The following SGTB variants were observed in gnomAD, a reference collection of about 807,000 sequenced individuals.
SGTB encodes small glutamine rich tetratricopeptide repeat co-chaperone beta, also known as small glutamine-rich tetratricopeptide repeat-containing protein beta.
In SGTB, 19 loss-of-function variants were observed where a neutral mutation model predicts 43.9. The ratio of observed to expected loss-of-function variants is 0.43; its 90% confidence interval spans 0.30 to 0.63. SGTB has a LOEUF of 0.63. Ranked by LOEUF, SGTB falls within the 30% of genes least tolerant of loss-of-function variation. The pLI is 0.12. For missense variants in SGTB, 304 were observed against 358.9 expected (o/e 0.85, Z 1.24); for synonymous variants, 116 against 117.3 (o/e 0.99, Z 0.07).
Position 65,694,780 on chromosome 5 carries a change from T to C in SGTB, c.375-9308A>G, listed in dbSNP as rs2150713583. On this transcript the variant is annotated intron_variant, in intron 5 of 10. Coordinates refer to ENST00000381007, the MANE Select transcript of SGTB (RefSeq NM_019072.3). The stretch of plus-strand genomic sequence containing the variant: ...GAAGGATGACTAGTAGTTGACCAAT[T>C]AGATAAGGTAGGAAATATTCTAGGC... Among the ~76,000 whole-genome samples the C allele has an allele frequency of 3.3e-5, 5 of 152,140 alleles. 1 individual carries two copies. The South Asian group carries it at 1.0e-3, about 32-fold the overall frequency.
At chr5:65,714,869 TA>T (rs1326440322) in intron 2 of SGTB, among the ~76,000 whole-genome samples, 3 of 152,326 alleles carry the variant, frequency 2.0e-5, no homozygotes, top group Non-Finnish European at 4.4e-5. Context: ...ATTGCATTTT[TA>T]AAAAGATTTA....
chr5:65,715,892 C>G (rs1758137566), intron 2 of SGTB, among the ~76,000 whole-genome samples: 2 of 152,212 alleles, frequency 1.3e-5, no homozygotes. Context: ...GCCTCAGCCT[C>G]CTGAGTAGCT....
At chr5:65,715,996 C>T (rs917608431) in intron 2 of SGTB, among the ~76,000 whole-genome samples, 1 of 152,204 alleles carries the variant, frequency 6.6e-6, no homozygotes, top group African/African-American at 2.4e-5. Context: ...TCTCAAATTC[C>T]CGACCTCAAG....
At chr5:65,715,749 A>G (rs1233621183) in intron 2 of SGTB, among the ~76,000 whole-genome samples, 1 of 152,130 alleles carries the variant, frequency 6.6e-6, no homozygotes, top group African/African-American at 2.4e-5. Flanking sequence ...TGAGCAGAAA[A>G]GCAGCTGCAG....
chr5:65,669,628 A>T lies in SGTB; in HGVS notation c.*618T>A, dbSNP rs1193941204. The T allele has an allele frequency of 1.3e-5, 2 of 152,600 alleles. No homozygotes were observed. The highest frequency in any genetic ancestry group is 3.8e-4 in the East Asian group (2 of 5,200). 9.5% of individuals were successfully genotyped at this position (152,600 alleles called of 1,614,324 possible). ...ATTACCAATTTTTTCTTTTCAAAACATCCCTTGCATCAAGTGCTACTTTCT... is the reference window on the plus strand; with the variant it reads ...ATTACCAATTTTTTCTTTTCAAAACTTCCCTTGCATCAAGTGCTACTTTCT... On this transcript the variant is annotated 3_prime_UTR_variant, in exon 11 of 11. Transcript: ENST00000381007.
At chr5:65,672,466 A>C (rs1417186808) in intron 8 of SGTB, among the ~76,000 whole-genome samples, 185 bp from the exon 9 acceptor site, 2 of 152,210 alleles carry the variant, frequency 1.3e-5, no homozygotes. Context: ...AGTGGCATTA[A>C]GAAGACATGG....
chr5:65,678,321 C>T (rs945650193), intron 8 of SGTB, among the ~76,000 whole-genome samples: 1 of 152,110 alleles, frequency 6.6e-6, no homozygotes, highest in African/African-American at 2.4e-5. Context: ...AGGAGAACTA[C>T]AAACCACTGC....
At chr5:65,693,328 AGAG>A (rs1206092820) in intron 5 of SGTB, among the ~76,000 whole-genome samples, 3 of 149,234 alleles carry the variant, frequency 2.0e-5, no homozygotes, top group Non-Finnish European at 4.5e-5. Context: ...AGAGAAAGAA[AGAG>A]GAGAAGGGAG....
Position 65,704,293 on chromosome 5 carries a change from A to C in SGTB, c.360T>G (p.Val120=), listed in dbSNP as rs1219951622. Residue 120 remains valine, a synonymous_variant, in exon 5 of 11, where the codon GTT becomes GTG. Transcript: ENST00000381007. ...TGCTAGTTTACCTGTTGCAATAGTA[A>C]ACTGCATTATTGGGATCCAATTCTA... is the stretch of plus-strand genomic sequence containing the variant. The part of the protein sequence containing the change: ...QAIELDPNNA[V]YYCNRAAAQS... 8 of 1,604,918 alleles carry C rather than the reference A, an allele frequency of 5.0e-6. No homozygotes were observed. The highest frequency in any genetic ancestry group is 6.8e-6 in the Non-Finnish European group (8 of 1,175,540).
intron 5 of SGTB, among the ~76,000 whole-genome samples, chr5:65,702,165 C>A (rs1392530630): frequency 6.6e-6 from 1 of 152,084 alleles, no homozygotes; most frequent in Non-Finnish European, 1.5e-5. Context: ...AGAGGCCAAA[C>A]AGGGTTGTAC....
chr5:65,668,294 G>A lies in SGTB; in HGVS notation c.*1952C>T, dbSNP rs1757082217. The A allele has an allele frequency of 6.6e-6, 1 of 151,896 alleles. No individual in the cohort carries two copies. Among genetic ancestry groups the A allele is most frequent in the Admixed American group, 6.6e-5 (1 of 15,234 alleles). The allele number at this position is 151,896 out of a possible 1,614,324, so 9.4% of individuals were successfully genotyped here. A position where few individuals can be genotyped will look rare whatever the true frequency, so the allele number is the denominator to read the frequency against. ...AGGGTTCTATAAGGCCTAATCATCT[G>A]CATTATTACTCATTTAATTGTATAT... On this transcript the variant is annotated 3_prime_UTR_variant, in exon 11 of 11. Transcript: ENST00000381007.
intron 5 of SGTB, among the ~76,000 whole-genome samples, chr5:65,693,312 G>A (rs1700512): frequency 0.64 from 93,691 of 147,288 alleles, 29,900 homozygotes; most frequent in African/African-American, 0.68. Flanking sequence ...GAATCAAGAA[G>A]GAAAGAGAGA....
At chr5:65,714,357 C>CTTAT (rs889432939) in intron 2 of SGTB, among the ~76,000 whole-genome samples, 13 of 152,096 alleles carry the variant, frequency 8.5e-5, no homozygotes, top group Non-Finnish European at 1.5e-4. Flanking sequence ...CATGATAAAG[C>CTTAT]TTATATTTTA....
rs1757084869 is a variant in SGTB at position 65,668,447 on chromosome 5, A to C, written c.*1799T>G. On this transcript the variant is annotated 3_prime_UTR_variant, in exon 11 of 11. Coordinates refer to ENST00000381007, the MANE Select transcript of SGTB (RefSeq NM_019072.3). ...CGATACGGTGGAACTCTCTCCATTA[A>C]AAACAAAAATTAGCGGCCAGGCACG... is the stretch of plus-strand genomic sequence containing the variant. 6.6e-6 allele frequency: 1 copy of C among 151,718 alleles called. No individual in the cohort carries two copies. The highest frequency in any genetic ancestry group is 2.1e-4 in the South Asian group (1 of 4,790). 9.4% of individuals were successfully genotyped at this position (151,718 alleles called of 1,614,324 possible). A position where few individuals can be genotyped will look rare whatever the true frequency, so the allele number is the denominator to read the frequency against.
chr5:65,716,254 G>A (rs1400103849), intron 2 of SGTB, among the ~76,000 whole-genome samples: 1 of 152,250 alleles, frequency 6.6e-6, no homozygotes, highest in Non-Finnish European at 1.5e-5. Context: ...AGCTAATAAT[G>A]GCTGAAGCCA....
intron 8 of SGTB, among the ~76,000 whole-genome samples, chr5:65,674,247 T>C (rs1388132995): frequency 2.0e-5 from 3 of 152,176 alleles, no homozygotes; most frequent in South Asian, 2.1e-4. Flanking sequence ...AAAGGGTAAT[T>C]TACCCTCTGG....
intron 3 of SGTB, among the ~76,000 whole-genome samples, chr5:65,709,025 A>G (rs1757991592): frequency 7.1e-6 from 1 of 140,560 alleles, no homozygotes; most frequent in Non-Finnish European, 1.5e-5. Flanking sequence ...TGGGCAACAG[A>G]GCCAGACCCT....
At chr5:65,713,139 C>T in intron 2 of SGTB, 75 bp from the exon 3 acceptor site, 1 of 1,016,388 alleles carries the variant, frequency 9.8e-7, no homozygotes, top group East Asian at 2.6e-5. Flanking sequence ...TCTGATAGAA[C>T]TGCAATGTAT....
chr5:65,709,387 T>G (rs1300573579), intron 3 of SGTB, among the ~76,000 whole-genome samples: 8 of 151,962 alleles, frequency 5.3e-5, no homozygotes, highest in African/African-American at 9.7e-5. Flanking sequence ...GTCCAGTTTT[T>G]TTTTTTTTTT....
Sources: gnomAD v4.1 joint callset for allele counts (sites outside exome capture counted in the v4.1 genomes callset) on GRCh38, gnomAD v4.1.1 for gene constraint, MANE v1.5 for transcripts, NCBI Gene and HGNC (gene_info 2026-07-23, HGNC 2026-07-21) for gene names.